Variants in CACNA1D observed in about 807,000 individuals in gnomAD.
The protein encoded by CACNA1D is voltage-dependent L-type calcium channel subunit alpha-1D.
CACNA1D carries 55 observed loss-of-function variants against 257.1 expected under a neutral mutation model. The ratio of observed to expected loss-of-function variants is 0.21; its 90% CI spans 0.17 to 0.27. The LOEUF (loss-of-function observed/expected upper bound fraction) is 0.27, where lower values mean the gene tolerates loss of function less well. Among genes scored for constraint, CACNA1D ranks in the 10% least tolerant of loss-of-function variants. CACNA1D has a pLI of 1.00. For synonymous variants in CACNA1D, 980 were observed against 1,014.9 expected, an observed-to-expected ratio of 0.97 and a Z score of 0.65; for missense variants, 1,876 against 2,784.0, an observed-to-expected ratio of 0.67 and a Z score of 7.34.
chr3:53,570,973 C>G (rs2092932164), intron 3 of CACNA1D, among the ~76,000 whole-genome samples: 1 of 152,218 alleles, frequency 6.6e-6, no homozygotes, highest in South Asian at 2.1e-4. Context: ...CAGGCCAGTC[C>G]ACACCCTCCT....
intron 26 of CACNA1D, among the ~76,000 whole-genome samples, chr3:53,747,880 G>A (rs1212428903): frequency 1.3e-5 from 2 of 152,162 alleles, no homozygotes; most frequent in African/African-American, 2.4e-5. Flanking sequence ...GCACCTGCTC[G>A]CTCATTTACA....
rs1390945265 is a variant in CACNA1D, at chr3:53,726,656, G to A, written c.2101-223G>A. Among the ~76,000 whole-genome samples the A allele has an allele frequency of 2.5e-4, 37 of 146,692 alleles. No homozygotes were observed. In the Admixed American group the frequency reaches 2.5e-3, roughly 10 times the overall value. ...ATCTCAAAAACAAACAAACACTTAAGTCTTAATAATAAGGTTATTTTTTTT... is the reference window on the plus strand; with the variant it reads ...ATCTCAAAAACAAACAAACACTTAAATCTTAATAATAAGGTTATTTTTTTT... On this transcript the variant is annotated intron_variant, in intron 14 of 47. Transcript: ENST00000350061.
At chr3:53,506,165 T>C (rs1246255198) in intron 3 of CACNA1D, among the ~76,000 whole-genome samples, 1 of 152,180 alleles carries the variant, frequency 6.6e-6, no homozygotes, top group Non-Finnish European at 1.5e-5. Context: ...AATTGAACTT[T>C]CTTATTTCTG....
At chr3:53,726,487 A>C (rs1055066538) in intron 14 of CACNA1D, among the ~76,000 whole-genome samples, 3 of 152,098 alleles carry the variant, frequency 2.0e-5, no homozygotes, top group Non-Finnish European at 4.4e-5. Flanking sequence ...AAATATAAAA[A>C]TTAGCCGAGT....
At chr3:53,535,532 G>A (rs1415881456) in intron 3 of CACNA1D, among the ~76,000 whole-genome samples, 1 of 152,180 alleles carries the variant, frequency 6.6e-6, no homozygotes, top group African/African-American at 2.4e-5. Flanking sequence ...AAAGAGTTGC[G>A]TGCCAGGGTT....
intron 40 of CACNA1D, among the ~76,000 whole-genome samples, chr3:53,788,440 C>A (rs7652251): frequency 0.092 from 14,009 of 152,248 alleles, 1,588 homozygotes; most frequent in African/African-American, 0.26. Context: ...CACTTCCAAC[C>A]AATCCAGTTT....
chr3:53,526,925 A>G (rs923382039), intron 3 of CACNA1D, among the ~76,000 whole-genome samples: 1 of 152,242 alleles, frequency 6.6e-6, no homozygotes, highest in South Asian at 2.1e-4. Context: ...TAAAGTTTTA[A>G]TGTTCACATT....
chr3:53,609,989 G>T (rs1340183831), intron 3 of CACNA1D, among the ~76,000 whole-genome samples: 1 of 152,020 alleles, frequency 6.6e-6, no homozygotes, highest in African/African-American at 2.4e-5. Flanking sequence ...TATCTTCTTT[G>T]ACCCTTGGAT....
intron 3 of CACNA1D, among the ~76,000 whole-genome samples, chr3:53,634,931 AT>A (rs1559446294): frequency 6.6e-6 from 1 of 152,102 alleles, no homozygotes; most frequent in Admixed American, 6.6e-5. Context: ...TCCTTAAAAG[AT>A]TTTTGTTTTG....
chr3:53,753,205 A>C (rs954937429), intron 28 of CACNA1D, among the ~76,000 whole-genome samples: 1 of 152,248 alleles, frequency 6.6e-6, no homozygotes, highest in Non-Finnish European at 1.5e-5. Context: ...CTTACATGGC[A>C]TAAAATTTAT....
intron 11 of CACNA1D, among the ~76,000 whole-genome samples, chr3:53,722,058 T>C (rs2094888543): frequency 6.6e-6 from 1 of 152,246 alleles, no homozygotes; most frequent in Admixed American, 6.5e-5. Context: ...ATTCTGGAGT[T>C]ATCTATAAGC....
chr3:53,721,396 G>A (rs952420802), intron 11 of CACNA1D, among the ~76,000 whole-genome samples: 1 of 152,224 alleles, frequency 6.6e-6, no homozygotes, highest in African/African-American at 2.4e-5. Context: ...ATTGTCGTTA[G>A]TGAGGCAGCA....
chr3:53,714,573 A>T (rs1184604758), intron 9 of CACNA1D, among the ~76,000 whole-genome samples: 1 of 152,224 alleles, frequency 6.6e-6, no homozygotes, highest in African/African-American at 2.4e-5. Context: ...TTGAGTGGTT[A>T]ATAAAGGTCA....
intron 8 of CACNA1D, among the ~76,000 whole-genome samples, chr3:53,681,930 T>C (rs1311591300): frequency 1.3e-5 from 2 of 151,924 alleles, no homozygotes; most frequent in African/African-American, 2.4e-5. Context: ...GAGCAGAGGA[T>C]GCTGGAGGAA....
At chr3:53,657,626 A>G (rs2094161311) in intron 4 of CACNA1D, among the ~76,000 whole-genome samples, 2 of 152,254 alleles carry the variant, frequency 1.3e-5, no homozygotes, top group African/African-American at 4.8e-5. Flanking sequence ...TCAGAACATC[A>G]GATTATTTTT....
intron 29 of CACNA1D, among the ~76,000 whole-genome samples, chr3:53,758,281 A>G (rs2095278749): frequency 6.6e-6 from 1 of 152,226 alleles, no homozygotes; most frequent in Non-Finnish European, 1.5e-5. Context: ...AATGCTACCC[A>G]AATAATCCCT....
intron 8 of CACNA1D, among the ~76,000 whole-genome samples, chr3:53,682,918 A>G (rs1024593904): frequency 5.3e-5 from 8 of 152,198 alleles, no homozygotes; most frequent in African/African-American, 9.7e-5. Context: ...CAGGATTGCA[A>G]TCCCTACGAG....
intron 7 of CACNA1D, among the ~76,000 whole-genome samples, chr3:53,670,889 T>C (rs1697496163): frequency 6.6e-6 from 1 of 152,174 alleles, no homozygotes; most frequent in Non-Finnish European, 1.5e-5. Flanking sequence ...CTTTTGTATA[T>C]GGTAAGATCC....
intron 37 of CACNA1D, among the ~76,000 whole-genome samples, chr3:53,777,359 G>A (rs748240152): frequency 1.4e-4 from 22 of 152,178 alleles, no homozygotes; most frequent in Non-Finnish European, 2.9e-4. Context: ...TACAAGCTGA[G>A]CCTTCTCTGT....
Sources: allele counts gnomAD v4.1 joint callset (sites outside exome capture counted in the v4.1 genomes callset), GRCh38; gene constraint gnomAD v4.1.1; transcripts MANE v1.5; gene names NCBI Gene and HGNC (gene_info 2026-07-23, HGNC 2026-07-21).